The following SPATA6 variants were observed in gnomAD, a reference collection of about 807,000 sequenced individuals.
SPATA6 encodes the protein spermatogenesis associated 6.
SPATA6 carries 56 observed loss-of-function variants against 65.3 expected under a neutral mutation model. The ratio of observed to expected loss-of-function variants is 0.86; its 90% CI spans 0.69 to 1.07. The LOEUF (loss-of-function observed/expected upper bound fraction) is 1.07. Among genes scored for constraint, SPATA6 ranks in the 50% least tolerant of loss-of-function variants. SPATA6 has a pLI of 0.00. For missense variants in SPATA6, 590 were observed against 594.8 expected (o/e 0.99, Z 0.08); for synonymous variants, 199 against 213.2 (o/e 0.93, Z 0.58).
chr1:48,368,067 C>G (rs1328285836), intron 9 of SPATA6, among the ~76,000 whole-genome samples: 4 of 152,088 alleles, frequency 2.6e-5, no homozygotes, highest in Admixed American at 2.6e-4. Flanking sequence ...CTTAGTTTGG[C>G]TGGATATGAA....
At position 48,347,042 on chromosome 1, in the gene SPATA6, A is replaced by C. The variant is rs147064553; in HGVS notation, c.1194+8628T>G. On this transcript the variant is annotated intron_variant, in intron 11 of 12. Coordinates refer to ENST00000371847, the MANE Select transcript of SPATA6 (RefSeq NM_019073.4). Reference sequence around the variant, plus strand: ...AAGCAAAAAGAACAAAGTCAGAGGTAACATGCTACACAACTTCAAACTATA... The same window carrying C: ...AAGCAAAAAGAACAAAGTCAGAGGTCACATGCTACACAACTTCAAACTATA... Among the ~76,000 whole-genome samples, 7 of 152,226 alleles carry C rather than the reference A, an allele frequency of 4.6e-5. No individual in the cohort carries two copies. The East Asian group carries it at 1.3e-3, about 29-fold the overall frequency.
chr1:48,336,350 T>C (rs888400516), intron 11 of SPATA6, among the ~76,000 whole-genome samples: 1 of 152,028 alleles, frequency 6.6e-6, no homozygotes, highest in African/African-American at 2.4e-5. Context: ...TGCAGCACCA[T>C]TCACAATAGC....
intron 9 of SPATA6, among the ~76,000 whole-genome samples, chr1:48,363,946 C>T (rs1191337466): frequency 2.0e-5 from 3 of 151,826 alleles, no homozygotes; most frequent in East Asian, 1.9e-4. Context: ...TGCTATCCCT[C>T]CCCCCTTCCC....
At chr1:48,437,272 T>C in intron 3 of SPATA6, 1 of 1,584,254 alleles carries the variant, frequency 6.3e-7, no homozygotes, top group South Asian at 1.2e-5. Flanking sequence ...TTCTCCTTGC[T>C]GCTTTTTCTT....
rs1644865202 is a variant in SPATA6, at chr1:48,298,954, T to C, written c.1287-61A>G. 5 of 1,482,998 alleles carry C rather than the reference T, an allele frequency of 3.4e-6. No individual in the cohort carries two copies. The South Asian group carries it at 3.8e-5, about 11-fold the overall frequency. The allele number at this position is 1,482,998 out of a possible 1,614,324, so 91.9% of individuals were successfully genotyped here. ...TGAAACAAAATTAGAGATAGTACTA[T>C]GTAAATCAAATATTTATTGAGTACT... On this transcript the variant is annotated intron_variant, in intron 12 of 12. Transcript: ENST00000371847.
intron 1 of SPATA6, among the ~76,000 whole-genome samples, chr1:48,471,233 T>A (rs1271163374): frequency 1.3e-5 from 2 of 152,026 alleles, no homozygotes; most frequent in African/African-American, 4.8e-5. Context: ...CTTGAGCAAG[T>A]CTGGAGAGTG....
the SPATA6 span, among the ~76,000 whole-genome samples, chr1:48,282,306 A>G: frequency 2.6e-5 from 4 of 152,208 alleles, no homozygotes; most frequent in African/African-American, 9.6e-5. Flanking sequence ...ACCAAAAGCA[A>G]TGGCAACAAA....
chr1:48,356,374 C>T (rs183350235), intron 10 of SPATA6, among the ~76,000 whole-genome samples: 29 of 150,470 alleles, frequency 1.9e-4, no homozygotes, highest in Admixed American at 1.1e-3. Flanking sequence ...TATAGATAAA[C>T]GACTTTATTT....
At chr1:48,435,351 A>G (rs1307727897) in intron 3 of SPATA6, among the ~76,000 whole-genome samples, 1 of 151,932 alleles carries the variant, frequency 6.6e-6, no homozygotes, top group African/African-American at 2.4e-5. Flanking sequence ...AAATGCACCA[A>G]TCAGCACTCT....
intron 3 of SPATA6, among the ~76,000 whole-genome samples, chr1:48,442,734 A>C (rs902202800): frequency 4.7e-5 from 7 of 150,046 alleles, no homozygotes; most frequent in African/African-American, 9.7e-5. Flanking sequence ...AAAAAAAAAA[A>C]AAAAAAAAAA....
At chr1:48,305,067 G>C (rs1311497197) in intron 12 of SPATA6, among the ~76,000 whole-genome samples, 3 of 152,132 alleles carry the variant, frequency 2.0e-5, no homozygotes. Context: ...CTTATAGTCT[G>C]TGTAAGGGGC....
intron 3 of SPATA6, among the ~76,000 whole-genome samples, chr1:48,420,061 C>T (rs1653175764): frequency 6.6e-6 from 1 of 152,020 alleles, no homozygotes; most frequent in Admixed American, 6.6e-5. Flanking sequence ...CTTGCAGCAC[C>T]CCCCACAAAC....
intron 11 of SPATA6, among the ~76,000 whole-genome samples, chr1:48,324,342 C>T (rs1223264238): frequency 6.6e-6 from 1 of 152,156 alleles, no homozygotes; most frequent in African/African-American, 2.4e-5. Context: ...AAACTCATTA[C>T]ATGGTCAAGT....
chr1:48,417,254 A>G (rs1416048), intron 3 of SPATA6, among the ~76,000 whole-genome samples: 21,886 of 152,232 alleles, frequency 0.14, 1,789 homozygotes, highest in African/African-American at 0.21. Flanking sequence ...TGCTAAAACA[A>G]AGATAATATG....
At chr1:48,286,466 T>C in the SPATA6 span, among the ~76,000 whole-genome samples, 4 of 152,158 alleles carry the variant, frequency 2.6e-5, no homozygotes, top group Non-Finnish European at 5.9e-5. Flanking sequence ...TTTCAGATAG[T>C]TGTTAGGGTA....
At chr1:48,328,185 A>G (rs1013848668) in intron 11 of SPATA6, among the ~76,000 whole-genome samples, 4 of 152,172 alleles carry the variant, frequency 2.6e-5, no homozygotes, top group Non-Finnish European at 5.9e-5. Context: ...ATCAGAAAAG[A>G]TAGCTAATAA....
At chr1:48,369,264 G>A (rs551522038) in intron 9 of SPATA6, among the ~76,000 whole-genome samples, 18 of 152,304 alleles carry the variant, frequency 1.2e-4, no homozygotes, top group African/African-American at 4.3e-4. Flanking sequence ...GAGGCAGTCT[G>A]CCAGTTCTCA....
At chr1:48,429,555 G>T (rs1557699620) in intron 3 of SPATA6, among the ~76,000 whole-genome samples, 1 of 152,038 alleles carries the variant, frequency 6.6e-6, no homozygotes, top group Non-Finnish European at 1.5e-5. Context: ...CACATCATCA[G>T]AATCAAATGC....
At chr1:48,313,568 T>C (rs191215692) in intron 11 of SPATA6, among the ~76,000 whole-genome samples, 2,342 of 152,166 alleles carry the variant, frequency 0.015, 56 homozygotes, top group African/African-American at 0.052. Context: ...AAGGAACAAC[T>C]GGTACCAGCC....
Sources: gnomAD v4.1 joint callset for allele counts (sites outside exome capture counted in the v4.1 genomes callset) on GRCh38, gnomAD v4.1.1 for gene constraint, MANE v1.5 for transcripts, NCBI Gene and HGNC (gene_info 2026-07-23, HGNC 2026-07-21) for gene names.